Variants in DTWD2 observed in about 807,000 individuals in gnomAD.
DTWD2 encodes DTW motif tRNA-uridine aminocarboxypropyltransferase 2, also known as tRNA-uridine aminocarboxypropyltransferase 2.
A neutral mutation model predicts 31.8 loss-of-function variants in DTWD2; 39 were observed. The ratio of observed to expected loss-of-function variants is 1.22; its 90% confidence interval spans 0.95 to 1.60. The LOEUF (loss-of-function observed/expected upper bound fraction) is 1.60, where lower values mean the gene tolerates loss of function less well. Among genes scored for constraint, DTWD2 ranks in the 40% most tolerant of loss-of-function variants. DTWD2 has a pLI of 0.00. For synonymous variants in DTWD2, 180 were observed against 142.8 expected (o/e 1.26, Z -1.86); for missense variants, 515 against 381.5 (o/e 1.35, Z -2.92).
chr5:118,920,976 C>G (rs1753690239), intron 4 of DTWD2, among the ~76,000 whole-genome samples: 3 of 152,102 alleles, frequency 2.0e-5, no homozygotes, highest in Admixed American at 2.0e-4. Flanking sequence ...GCAGAGAACT[C>G]CATGTCAAGA....
At chr5:118,869,024 TGGTGGTTCCCA>T (rs1752443043) in intron 4 of DTWD2, among the ~76,000 whole-genome samples, 1 of 151,980 alleles carries the variant, frequency 6.6e-6, no homozygotes, top group Non-Finnish European at 1.5e-5. Flanking sequence ...GGAGGCAGAA[TGGTGGTTCCCA>T]GGAGTTGGAG....
At chr5:118,855,837 C>T (rs1012773747) in intron 4 of DTWD2, among the ~76,000 whole-genome samples, 106 of 152,226 alleles carry the variant, frequency 7.0e-4, no homozygotes, top group African/African-American at 2.5e-3. Flanking sequence ...CCTATAATAT[C>T]ACCAGCCAGA....
intron 4 of DTWD2, among the ~76,000 whole-genome samples, chr5:118,882,176 C>A (rs1379596016): frequency 2.0e-5 from 3 of 152,196 alleles, no homozygotes; most frequent in African/African-American, 7.2e-5. Flanking sequence ...GGACCACAGG[C>A]CGCATGCAAG....
At chr5:118,844,242 T>C (rs1751793899) in intron 5 of DTWD2, among the ~76,000 whole-genome samples, 1 of 152,232 alleles carries the variant, frequency 6.6e-6, no homozygotes, top group Non-Finnish European at 1.5e-5. Flanking sequence ...TACTACCAAC[T>C]GCAGATATTG....
chr5:118,874,626 G>C (rs1236031404), intron 4 of DTWD2, among the ~76,000 whole-genome samples: 1 of 151,952 alleles, frequency 6.6e-6, no homozygotes, highest in African/African-American at 2.4e-5. Flanking sequence ...TTGAAGACTG[G>C]CTTTCTAAAA....
At chr5:118,958,914 A>G (rs1422753881) in intron 1 of DTWD2, among the ~76,000 whole-genome samples, 2 of 152,180 alleles carry the variant, frequency 1.3e-5, no homozygotes, top group East Asian at 1.9e-4. Context: ...CATGTTAAAA[A>G]TCCTCAACAA....
At chr5:118,874,762 G>T (rs761072188) in intron 4 of DTWD2, among the ~76,000 whole-genome samples, 2 of 152,152 alleles carry the variant, frequency 1.3e-5, no homozygotes, top group African/African-American at 4.8e-5. Flanking sequence ...GAAACGGGGA[G>T]AAAGGAACCA....
intron 1 of DTWD2, among the ~76,000 whole-genome samples, chr5:118,947,469 C>T (rs1754365176): frequency 6.6e-6 from 1 of 152,190 alleles, no homozygotes; most frequent in African/African-American, 2.4e-5. Context: ...GAAGCAACAG[C>T]ATCAAGCCAT....
intron 1 of DTWD2, among the ~76,000 whole-genome samples, chr5:118,959,523 A>G (rs771029278): frequency 1.3e-5 from 2 of 152,156 alleles, no homozygotes; most frequent in African/African-American, 4.8e-5. Flanking sequence ...TGACCATATT[A>G]CCCAAAGCAA....
chr5:118,917,886 A>C (rs1047386907), intron 4 of DTWD2, among the ~76,000 whole-genome samples: 5 of 151,550 alleles, frequency 3.3e-5, no homozygotes, highest in Admixed American at 6.6e-5. Flanking sequence ...AATCGCTTGA[A>C]CCCAGGAGGC....
At chr5:118,983,504 C>G (rs1339059350) in intron 1 of DTWD2, among the ~76,000 whole-genome samples, 2 of 151,306 alleles carry the variant, frequency 1.3e-5, no homozygotes, top group South Asian at 4.1e-4. Flanking sequence ...TCTCTCCTTT[C>G]CCCATTTTCT....
intron 4 of DTWD2, among the ~76,000 whole-genome samples, chr5:118,852,964 C>G (rs376828684): frequency 1.3e-5 from 2 of 152,210 alleles, no homozygotes; most frequent in East Asian, 3.9e-4. Context: ...AATGCAGGAA[C>G]AGAAAACCAA....
At chr5:118,961,851 CAAAGT>C (rs1246986485) in intron 1 of DTWD2, among the ~76,000 whole-genome samples, 2 of 152,050 alleles carry the variant, frequency 1.3e-5, no homozygotes, top group Admixed American at 6.6e-5. Flanking sequence ...TTCTTTGCTA[CAAAGT>C]AAAGAAAATA....
chr5:118,988,466 G>C lies in DTWD2; in HGVS notation c.46C>G (p.Arg16Gly), dbSNP rs1175211762. The stretch of plus-strand genomic sequence containing the variant: ...TGAGAGCTTGAGGCCCCAGAAGGCC[G>C]CGCAACGGGCTCCTGGAGTGTTCGT... ...EARTLQEPVA[R>G]PSGASSSQTP... is the part of the protein sequence containing the mutation. Residue 16 changes from arginine to glycine, a missense_variant, in exon 1 of 6, where the codon CGG becomes GGG. Transcript: ENST00000510708. 6 of 1,605,490 alleles carry C rather than the reference G, an allele frequency of 3.7e-6. No homozygotes were observed. Among genetic ancestry groups the C allele is most frequent in the Non-Finnish European group, 5.1e-6 (6 of 1,177,656 alleles).
At chr5:118,956,551 G>C (rs988985940) in intron 1 of DTWD2, among the ~76,000 whole-genome samples, 1 of 152,158 alleles carries the variant, frequency 6.6e-6, no homozygotes, top group Admixed American at 6.5e-5. Flanking sequence ...GACTAGAGAT[G>C]CTAGGACCTA....
intron 1 of DTWD2, among the ~76,000 whole-genome samples, chr5:118,965,780 C>T (rs552610178): frequency 1.2e-4 from 19 of 152,230 alleles, no homozygotes; most frequent in African/African-American, 4.3e-4. Flanking sequence ...ATCTCAAGTG[C>T]CCAGGGATAC....
chr5:118,894,915 G>C (rs1448277262), intron 4 of DTWD2, among the ~76,000 whole-genome samples: 1 of 152,026 alleles, frequency 6.6e-6, no homozygotes, highest in Non-Finnish European at 1.5e-5. Flanking sequence ...ACTGAATGGG[G>C]GACAACTGAA....
chr5:118,947,973 A>G (rs1437064470), intron 1 of DTWD2, among the ~76,000 whole-genome samples: 1 of 152,198 alleles, frequency 6.6e-6, no homozygotes, highest in Admixed American at 6.5e-5. Context: ...CACTTTAATA[A>G]CAAATGTTGC....
chr5:118,926,053 T>C (rs934416503), intron 4 of DTWD2, among the ~76,000 whole-genome samples: 7 of 151,944 alleles, frequency 4.6e-5, no homozygotes, highest in African/African-American at 1.5e-4. Context: ...GACAACACAG[T>C]GGGACCTCAT....
Sources: gnomAD v4.1 joint callset for allele counts (sites outside exome capture counted in the v4.1 genomes callset) on GRCh38, gnomAD v4.1.1 for gene constraint, MANE v1.5 for transcripts, NCBI Gene and HGNC (gene_info 2026-07-23, HGNC 2026-07-21) for gene names.